SLC24A4: variants seen among roughly 807,000 people sequenced by gnomAD.
The protein encoded by SLC24A4 is solute carrier family 24 member 4, also known as sodium/potassium/calcium exchanger 4.
SLC24A4 carries 53 observed loss-of-function variants against 79.0 expected under a neutral mutation model. The ratio of observed to expected loss-of-function variants is 0.67; its 90% confidence interval spans 0.54 to 0.84. The LOEUF is 0.84. Ranked by LOEUF, SLC24A4 falls within the 40% of genes least tolerant of loss-of-function variation. The pLI is 0.00. For missense variants in SLC24A4, 731 were observed against 822.0 expected (o/e 0.89, Z 1.35); for synonymous variants, 323 against 323.8 (o/e 1.00, Z 0.03).
At chr14:92,331,108 T>C (rs1595123884) in intron 2 of SLC24A4, among the ~76,000 whole-genome samples, 1 of 152,286 alleles carries the variant, frequency 6.6e-6, no homozygotes, top group Middle Eastern at 3.4e-3. Flanking sequence ...GACTGACTTT[T>C]GGAGTATCTG....
intron 2 of SLC24A4, among the ~76,000 whole-genome samples, chr14:92,347,081 A>G (rs1363022962): frequency 6.6e-6 from 1 of 152,224 alleles, no homozygotes; most frequent in Non-Finnish European, 1.5e-5. Flanking sequence ...AGTGTCATAA[A>G]ACATAGGAAT....
chr14:92,484,154 C>G (rs973520572), intron 13 of SLC24A4: 1 of 985,294 alleles, frequency 1.0e-6, no homozygotes, highest in East Asian at 1.1e-4. Context: ...CTCTTCCCTC[C>G]CCCCAACCCA....
chr14:92,343,653 TTTCCTTCC>T (rs34220155), intron 2 of SLC24A4, among the ~76,000 whole-genome samples: 483 of 34,204 alleles, frequency 0.014, 16 homozygotes, highest in African/African-American at 0.032. Flanking sequence ...TCTTTCCTTC[TTTCCTTCC>T]TTCCTTCCTT....
chr14:92,352,898 C>G (rs2141648243), intron 2 of SLC24A4, among the ~76,000 whole-genome samples: 1 of 152,324 alleles, frequency 6.6e-6, no homozygotes, highest in South Asian at 2.1e-4. Flanking sequence ...GTCCAGTTGT[C>G]TGAGAATGTC....
chr14:92,355,146 T>A (rs1484463071), intron 2 of SLC24A4, among the ~76,000 whole-genome samples: 1 of 152,054 alleles, frequency 6.6e-6, no homozygotes, highest in Admixed American at 6.5e-5. Flanking sequence ...CCTAGAGTAC[T>A]TGTTGGGGTG....
chr14:92,323,237 G>C lies in SLC24A4; in HGVS notation c.-594G>C, dbSNP rs1175416314. ...AGAGCTCGCCCCTGGGAGGGCCGAC[G>C]TCGAGCCTGCTCGCCGCGAGGGTCT... is the stretch of plus-strand genomic sequence containing the variant. On this transcript the variant is annotated 5_prime_UTR_variant, in exon 1 of 17. Coordinates refer to ENST00000532405, the MANE Select transcript of SLC24A4 (RefSeq NM_153646.4). The surrounding 1 kb of genome is among the most constrained non-coding windows in gnomAD (Gnocchi z 4.9). 1 of 152,086 alleles carries C rather than the reference G, an allele frequency of 6.6e-6. No homozygotes were observed. The highest frequency in any genetic ancestry group is 1.5e-5 in the Non-Finnish European group (1 of 67,992). 9.4% of individuals were successfully genotyped at this position (152,086 alleles called of 1,614,324 possible). A position where few individuals can be genotyped will look rare whatever the true frequency, so the allele number is the denominator to read the frequency against.
At chr14:92,478,229 C>T (rs529140326) in intron 12 of SLC24A4, among the ~76,000 whole-genome samples, 1 of 152,304 alleles carries the variant, frequency 6.6e-6, no homozygotes, top group Non-Finnish European at 1.5e-5. Context: ...ATTGCCCAAT[C>T]CAAGGTCATA....
At chr14:92,410,110 T>G (rs1890626848) in intron 2 of SLC24A4, among the ~76,000 whole-genome samples, 1 of 152,124 alleles carries the variant, frequency 6.6e-6, no homozygotes, top group Non-Finnish European at 1.5e-5. Context: ...GATGAAATAG[T>G]CTGTACAACA....
At chr14:92,431,719 GGGGTGCAAAGCAA>G (rs1891881067) in intron 2 of SLC24A4, among the ~76,000 whole-genome samples, 1 of 152,186 alleles carries the variant, frequency 6.6e-6, no homozygotes, top group Admixed American at 6.5e-5. Context: ...CATGCACACA[GGGGTGCAAAGCAA>G]GGCGTGAGGC....
chr14:92,353,967 C>T lies in SLC24A4; in HGVS notation c.241+27989C>T, dbSNP rs182226670. Among the ~76,000 whole-genome samples the T allele has an allele frequency of 0.13, 19,326 of 152,096 alleles. 1,276 individuals carry two copies. Among genetic ancestry groups the T allele is most frequent in the Admixed American group, 0.15 (2,246 of 15,294 alleles). On this transcript the variant is annotated intron_variant, in intron 2 of 16. Coordinates refer to ENST00000532405, the MANE Select transcript of SLC24A4 (RefSeq NM_153646.4). The surrounding 1 kb of genome is among the most constrained non-coding windows in gnomAD (Gnocchi z 4.1). The stretch of plus-strand genomic sequence containing the variant: ...GGCTGACCCCGTGCTGGAGTCACCT[C>T]GCAGTCACTTGCTAAGAGAAATTAA...
chr14:92,324,286 G>T (rs1037315134), intron 1 of SLC24A4, among the ~76,000 whole-genome samples: 1 of 152,260 alleles, frequency 6.6e-6, no homozygotes, highest in African/African-American at 2.4e-5. Context: ...GGTGCAGGCA[G>T]GATTCTCTTG....
chr14:92,414,313 TA>T (rs1408022240), intron 2 of SLC24A4, among the ~76,000 whole-genome samples: 1 of 152,020 alleles, frequency 6.6e-6, no homozygotes, highest in Non-Finnish European at 1.5e-5. Flanking sequence ...TAGGTAGGGG[TA>T]GGGGGTGAGG....
intron 2 of SLC24A4, among the ~76,000 whole-genome samples, chr14:92,357,408 A>G (rs1037820866): frequency 6.6e-6 from 1 of 152,370 alleles, no homozygotes; most frequent in East Asian, 1.9e-4. Context: ...ACATGGCAGC[A>G]TTATTCACAA....
In SLC24A4 at chr14:92,501,157, TTCTC is replaced by T. The variant is rs1222033576; in HGVS notation, c.*7535_*7538del. ...AGCTGAACACCACCATCTTTGTTCA[TTCTC>T]TCTCTAATGGGCAAAGCAGGATCAT... is the stretch of plus-strand genomic sequence containing the variant. On this transcript the variant is annotated 3_prime_UTR_variant, in exon 17 of 17. Coordinates refer to ENST00000532405, the MANE Select transcript of SLC24A4 (RefSeq NM_153646.4). 3.3e-5 allele frequency: 5 copies of T among 152,340 alleles called. 1 individual carries two copies. In the East Asian group the frequency reaches 9.6e-4, roughly 29 times the overall value. 9.4% of individuals were successfully genotyped at this position (152,340 alleles called of 1,614,324 possible).
rs183576631 is a variant in SLC24A4, at chr14:92,494,304, G to T, written c.*676G>T. Reference sequence around the variant, plus strand: ...TTGATGCATTCAGAGAATAAGCAATGAAATATTAAAAAATGAAACATCATA... The same window carrying T: ...TTGATGCATTCAGAGAATAAGCAATTAAATATTAAAAAATGAAACATCATA... On this transcript the variant is annotated 3_prime_UTR_variant, in exon 17 of 17. Coordinates refer to ENST00000532405, the MANE Select transcript of SLC24A4 (RefSeq NM_153646.4). This position sits in a 1 kb window ranked among gnomAD's most constrained non-coding sequence, Gnocchi z 4.6. The T allele has an allele frequency of 4.5e-4, 68 of 152,764 alleles. 1 individual carries two copies. The highest frequency in any genetic ancestry group is 1.5e-3 in the African/African-American group (62 of 41,572). 9.5% of individuals were successfully genotyped at this position (152,764 alleles called of 1,614,324 possible). A position where few individuals can be genotyped will look rare whatever the true frequency, so the allele number is the denominator to read the frequency against.
intron 2 of SLC24A4, among the ~76,000 whole-genome samples, chr14:92,369,094 A>C (rs1405647685): frequency 2.0e-5 from 3 of 152,216 alleles, no homozygotes; most frequent in Admixed American, 1.3e-4. Flanking sequence ...TGAGGCCGTC[A>C]GCCCTAGGCC....
intron 2 of SLC24A4, among the ~76,000 whole-genome samples, chr14:92,400,159 G>A (rs547074885): frequency 1.3e-5 from 2 of 152,316 alleles, no homozygotes; most frequent in South Asian, 4.1e-4. Context: ...CAGAGTTGGA[G>A]GCCGAGCGTG....
intron 2 of SLC24A4, among the ~76,000 whole-genome samples, chr14:92,385,255 C>T (rs1889085203): frequency 6.6e-6 from 1 of 152,140 alleles, no homozygotes; most frequent in Non-Finnish European, 1.5e-5. Context: ...GCCTGTAATC[C>T]CAGCACTTCG....
chr14:92,445,980 T>C (rs1257575744), intron 8 of SLC24A4, among the ~76,000 whole-genome samples: 1 of 152,212 alleles, frequency 6.6e-6, no homozygotes, highest in East Asian at 1.9e-4. Flanking sequence ...GAGAATGGCT[T>C]GCGCCCAGGA....
Sources: allele counts gnomAD v4.1 joint callset (sites outside exome capture counted in the v4.1 genomes callset), GRCh38; gene constraint gnomAD v4.1.1; non-coding constraint Gnocchi (gnomAD v3.1); transcripts MANE v1.5; gene names NCBI Gene and HGNC (gene_info 2026-07-23, HGNC 2026-07-21).